The following VSNL1 variants were observed in gnomAD, a reference collection of about 807,000 sequenced individuals.
VSNL1 encodes visinin like 1.
In VSNL1, 6 loss-of-function variants were observed where a neutral mutation model predicts 20.4. The observed-to-expected ratio is 0.29, with a 90% CI of 0.16 to 0.58. The LOEUF (loss-of-function observed/expected upper bound fraction) is 0.58, where lower values mean the gene tolerates loss of function less well. Ranked by LOEUF, VSNL1 falls within the 20% of genes least tolerant of loss-of-function variation. The pLI, the probability that VSNL1 is intolerant of heterozygous loss-of-function variation, is 0.90. For missense variants in VSNL1, 100 were observed against 234.5 expected (o/e 0.43, Z 3.75); for synonymous variants, 93 against 86.4 (o/e 1.08, Z -0.42).
At chr2:17,560,397 T>C (rs1663785715) in intron 1 of VSNL1, among the ~76,000 whole-genome samples, 1 of 152,068 alleles carries the variant, frequency 6.6e-6, no homozygotes, top group Non-Finnish European at 1.5e-5. Flanking sequence ...TCAAATAATA[T>C]GGAATAGGCA....
upstream of VSNL1, chr2:17,540,511 G>A (rs938006134): frequency 6.6e-6 from 1 of 152,662 alleles, no homozygotes; most frequent in Admixed American, 6.5e-5. Flanking sequence ...GAAACTCCGA[G>A]CCCCTCCGAC....
At chr2:17,550,727 G>A (rs1008891903) in intron 1 of VSNL1, among the ~76,000 whole-genome samples, 1 of 152,122 alleles carries the variant, frequency 6.6e-6, no homozygotes, top group African/African-American at 2.4e-5. Context: ...CTCTGTCTTG[G>A]ATAAGCTCTT....
chr2:17,563,949 A>T (rs781050334), intron 1 of VSNL1, among the ~76,000 whole-genome samples: 11 of 152,086 alleles, frequency 7.2e-5, no homozygotes, highest in Non-Finnish European at 1.6e-4. Context: ...TTACTTCTAA[A>T]TAGTCTTCTT....
intron 1 of VSNL1, among the ~76,000 whole-genome samples, chr2:17,559,806 G>T (rs1663771434): frequency 6.6e-6 from 1 of 151,918 alleles, no homozygotes; most frequent in Admixed American, 6.6e-5. Flanking sequence ...AAAAGAAAAA[G>T]ACTTCTATCT....
Position 17,591,960 on chromosome 2 carries a change from A to G in VSNL1, c.-5-110A>G, listed in dbSNP as rs1323876713. 9.9e-6 allele frequency: 12 copies of G among 1,209,222 alleles called. No homozygotes were observed. The Admixed American group carries it at 1.7e-4, about 18-fold the overall frequency. The allele number at this position is 1,209,222 out of a possible 1,614,324, so 74.9% of individuals were successfully genotyped here. ...ACTTGGGAAGATATGCATCAGCCAC[A>G]CTGGAGGGAGTTCCGACCATGGGAC... On this transcript the variant is annotated intron_variant, in intron 1 of 3. Coordinates refer to ENST00000295156, the MANE Select transcript of VSNL1 (RefSeq NM_003385.5).
intron 1 of VSNL1, among the ~76,000 whole-genome samples, chr2:17,574,406 T>C (rs564375647): frequency 6.3e-4 from 96 of 152,338 alleles, no homozygotes; most frequent in African/African-American, 2.2e-3. Context: ...GTTTCAGAAG[T>C]GTCTGCCCCC....
chr2:17,579,460 C>T (rs1326821221), intron 1 of VSNL1, among the ~76,000 whole-genome samples: 1 of 152,168 alleles, frequency 6.6e-6, no homozygotes, highest in East Asian at 1.9e-4. Context: ...GTTTTCTTTT[C>T]TGACATTGCC....
At chr2:17,615,560 G>A (rs1225902538) in intron 2 of VSNL1, among the ~76,000 whole-genome samples, 1 of 152,174 alleles carries the variant, frequency 6.6e-6, no homozygotes, top group East Asian at 1.9e-4. Flanking sequence ...TCAGATATTT[G>A]GCTACAATTA....
intron 1 of VSNL1, among the ~76,000 whole-genome samples, chr2:17,588,980 A>T (rs1221622869): frequency 6.6e-6 from 1 of 152,218 alleles, no homozygotes; most frequent in Non-Finnish European, 1.5e-5. Flanking sequence ...CTCTCAAGAA[A>T]CCATAATAAC....
chr2:17,563,720 C>T (rs902401002), intron 1 of VSNL1, among the ~76,000 whole-genome samples: 2 of 151,892 alleles, frequency 1.3e-5, no homozygotes, highest in Non-Finnish European at 2.9e-5. Flanking sequence ...CAGAGTGAGA[C>T]TCTGTCTCAA....
chr2:17,548,845 T>C (rs1424670275), intron 1 of VSNL1, among the ~76,000 whole-genome samples: 2 of 152,188 alleles, frequency 1.3e-5, no homozygotes, highest in African/African-American at 2.4e-5. Flanking sequence ...ATCAATGCCC[T>C]AGCTTAGGCC....
At chr2:17,591,868 C>T (rs568423761) in intron 1 of VSNL1, among the ~76,000 whole-genome samples, 1 of 151,990 alleles carries the variant, frequency 6.6e-6, no homozygotes, top group East Asian at 1.9e-4. Context: ...TGCTACAGCC[C>T]TTGGAACTGT....
intron 2 of VSNL1, among the ~76,000 whole-genome samples, chr2:17,632,823 A>G (rs2103413792): frequency 6.6e-6 from 1 of 152,354 alleles, no homozygotes; most frequent in East Asian, 1.9e-4. Context: ...ATGCAGAAAT[A>G]AGCATTAAAA....
At chr2:17,571,625 T>C (rs928345185) in intron 1 of VSNL1, among the ~76,000 whole-genome samples, 1 of 152,186 alleles carries the variant, frequency 6.6e-6, no homozygotes, top group African/African-American at 2.4e-5. Context: ...CCAGGGACAA[T>C]TCTAGGTACA....
At chr2:17,558,536 A>G (rs1380610585) in intron 1 of VSNL1, among the ~76,000 whole-genome samples, 1 of 152,166 alleles carries the variant, frequency 6.6e-6, no homozygotes, top group Non-Finnish European at 1.5e-5. Flanking sequence ...AATTTTCATT[A>G]TCCCCATTAT....
rs541104190 is a variant in VSNL1, at chr2:17,542,831, G to T, written c.-6+1913G>T. Among the ~76,000 whole-genome samples the T allele has an allele frequency of 3.9e-4, 59 of 152,272 alleles. 1 individual carries two copies. In the South Asian group the frequency reaches 0.011, roughly 28 times the overall value. On this transcript the variant is annotated intron_variant, in intron 1 of 3. Coordinates refer to ENST00000295156, the MANE Select transcript of VSNL1 (RefSeq NM_003385.5). ...TCCCTGGCTCATAGGTTGACAGAGA[G>T]GATCAAGTTAGGCAGAGACCCTGTA...
chr2:17,556,597 G>A (rs900213637), intron 1 of VSNL1, among the ~76,000 whole-genome samples: 47 of 152,294 alleles, frequency 3.1e-4, no homozygotes, highest in African/African-American at 1.1e-3. Context: ...CAGAGCGGGG[G>A]ATAGGGTAGA....
At chr2:17,596,679 A>T (rs1034402529) in intron 2 of VSNL1, among the ~76,000 whole-genome samples, 28 of 152,266 alleles carry the variant, frequency 1.8e-4, no homozygotes, top group Admixed American at 1.5e-3. Context: ...TTTCAAGATT[A>T]TTTTCATCAG....
At chr2:17,540,143 T>C (rs1663244246), upstream of VSNL1, 1 of 152,254 alleles carries the variant, frequency 6.6e-6, no homozygotes, top group African/African-American at 2.4e-5. Flanking sequence ...AAATGGCCCA[T>C]GACAAAATGA....
Sources: allele counts gnomAD v4.1 joint callset (sites outside exome capture counted in the v4.1 genomes callset), GRCh38; gene constraint gnomAD v4.1.1; transcripts MANE v1.5; gene names NCBI Gene and HGNC (gene_info 2026-07-23, HGNC 2026-07-21).